Variants in NUP214 observed in about 807,000 individuals in gnomAD.
NUP214 encodes the protein nuclear pore complex protein Nup214.
A neutral mutation model predicts 196.2 loss-of-function variants in NUP214; 79 were observed. The ratio of observed to expected loss-of-function variants is 0.40; its 90% CI spans 0.34 to 0.49. NUP214 has a LOEUF of 0.49. Among genes scored for constraint, NUP214 ranks in the 20% least tolerant of loss-of-function variants. The pLI is 0.58. For missense variants in NUP214, 2,468 were observed against 2,539.0 expected (o/e 0.97, Z 0.60); for synonymous variants, 1,020 against 990.5 (o/e 1.03, Z -0.56).
At chr9:131,160,544 A>C (rs1303940322) in intron 18 of NUP214, among the ~76,000 whole-genome samples, 1 of 152,216 alleles carries the variant, frequency 6.6e-6, no homozygotes, top group African/African-American at 2.4e-5. Flanking sequence ...GCCCATTAGA[A>C]ATTTGAAAAA....
Position 131,128,467 on chromosome 9 carries a change from G to T in NUP214, c.377G>T (p.Arg126Leu), listed in dbSNP as rs1003399634. 1.2e-6 allele frequency: 2 copies of T among 1,611,478 alleles called. No individual in the cohort carries two copies. Among genetic ancestry groups the T allele is most frequent in the African/African-American group, 2.7e-5 (2 of 74,754 alleles). The change falls in exon 3 of 36, where the codon CGC (arginine) becomes CTC (leucine). Residue 126 changes from arginine (R) to leucine (L), a missense_variant. Arg to Leu is a moderately radical substitution (Grantham distance 102). Coordinates refer to ENST00000359428, the MANE Select transcript of NUP214 (RefSeq NM_005085.4). ...TCCATTATTGCTTTTTTTGATGTTCGCACATTCTCAAATGAGGTAAGCTAC... is the reference window on the plus strand; with the variant it reads ...TCCATTATTGCTTTTTTTGATGTTCTCACATTCTCAAATGAGGTAAGCTAC... ...YGSIIAFFDV[R>L]TFSNEAKQQK...
chr9:131,216,983 A>G (rs536756445), intron 31 of NUP214, among the ~76,000 whole-genome samples: 1 of 152,202 alleles, frequency 6.6e-6, no homozygotes, highest in East Asian at 1.9e-4. Flanking sequence ...CCCTACATGA[A>G]GTTTCTCTCA....
rs369217753 is a variant in NUP214 at position 131,215,305 on chromosome 9, G to C, written c.5686G>C (p.Asp1896His). The change falls in exon 31 of 36, where the codon GAT (aspartate) becomes CAT (histidine). Residue 1896 changes from aspartate to histidine, a missense_variant. Physicochemically the swap from Asp to His is moderately conservative, Grantham distance 81. Around this residue, in one of 5 missense-constraint regions of NUP214, gnomAD observed 262 missense variants for 296.5 expected, o/e 0.88. Transcript: ENST00000359428. The part of the protein sequence containing the change: ...FSGLGGKPSQ[D>H]AANKNPFSSA... ...TGGCCTTGGAGGAAAACCCAGTCAG[G>C]ATGCAGCCAACAAAAACCCATTCAG... 4 of 1,610,360 alleles carry C rather than the reference G, an allele frequency of 2.5e-6. No homozygotes were observed. The highest frequency in any genetic ancestry group is 2.5e-6 in the Non-Finnish European group (3 of 1,178,266).
chr9:131,147,999 C>T (rs1490996967), intron 14 of NUP214, among the ~76,000 whole-genome samples: 1 of 152,180 alleles, frequency 6.6e-6, no homozygotes, highest in Non-Finnish European at 1.5e-5. Context: ...CTAGCCTGGT[C>T]GACATGGTGA....
chr9:131,136,068 T>C, intron 9 of NUP214, 62 bp downstream of exon 9: 1 of 1,354,558 alleles, frequency 7.4e-7, no homozygotes, highest in Non-Finnish European at 1.0e-6. Context: ...TTTGAGACAG[T>C]CTCGCTCTGT....
At chr9:131,149,190 C>T (rs1331691377) in intron 14 of NUP214, among the ~76,000 whole-genome samples, 1 of 152,034 alleles carries the variant, frequency 6.6e-6, no homozygotes, top group Non-Finnish European at 1.5e-5. Context: ...ATAGTAAGTG[C>T]CCAGGTCACA....
chr9:131,230,928 A>G (rs1362303605), intron 34 of NUP214, among the ~76,000 whole-genome samples, 159 bp downstream of exon 34: 1 of 152,132 alleles, frequency 6.6e-6, no homozygotes, highest in Non-Finnish European at 1.5e-5. Flanking sequence ...TGGGAGACCA[A>G]GGCAGGAGGA....
intron 31 of NUP214, among the ~76,000 whole-genome samples, chr9:131,218,813 G>T (rs956311016): frequency 2.0e-5 from 3 of 152,092 alleles, no homozygotes; most frequent in African/African-American, 7.2e-5. Context: ...CCCTCCTTGA[G>T]CTGGCCCCAA....
chr9:131,180,373 T>G (rs567794826), intron 24 of NUP214, among the ~76,000 whole-genome samples: 1 of 152,358 alleles, frequency 6.6e-6, no homozygotes, highest in East Asian at 1.9e-4. Context: ...CCAGGAAAGA[T>G]CGAGAGAATA....
At chr9:131,190,723 A>G in intron 26 of NUP214, 1 of 362,374 alleles carries the variant, frequency 2.8e-6, no homozygotes, top group Non-Finnish European at 4.9e-6. Context: ...TGCCCTATAG[A>G]TTCTGTATTC....
chr9:131,222,592 C>T, intron 31 of NUP214, 186 bp from the exon 32 acceptor site: 2 of 544,926 alleles, frequency 3.7e-6, no homozygotes, highest in East Asian at 3.2e-5. Context: ...TTAAAAACTT[C>T]CCAGCAAGGT....
Position 131,174,330 on chromosome 9 carries a change from G to C in NUP214, c.3157+12G>C. ...GATGGGAACTTCAGGTAAGTAAACAGTGGGAAAGGAAACTGTTTTTCCCTA... is the reference window on the plus strand; with the variant it reads ...GATGGGAACTTCAGGTAAGTAAACACTGGGAAAGGAAACTGTTTTTCCCTA... On this transcript the variant is annotated intron_variant, in intron 22 of 35. Transcript: ENST00000359428. 1 of 1,601,744 alleles carries C rather than the reference G, an allele frequency of 6.2e-7. No homozygotes were observed. The highest frequency in any genetic ancestry group is 1.1e-5 in the South Asian group (1 of 88,702).
At position 131,175,503 on chromosome 9, in the gene NUP214, C is replaced by T; in HGVS notation, c.3201C>T (p.Ser1067=). 6.2e-7 allele frequency: 1 copy of T among 1,614,220 alleles called. No individual in the cohort carries two copies. The highest frequency in any genetic ancestry group is 8.5e-7 in the Non-Finnish European group (1 of 1,180,032). ...ASKIIPQGAD[S]TMLATKTVKH... is the part of the protein sequence containing the mutation. The stretch of plus-strand genomic sequence containing the variant: ...AAATTATTCCTCAAGGGGCCGATAG[C>T]ACAATGCTTGCCACGAAAACCGTGA... Residue 1067 remains serine (S), a synonymous_variant, in exon 23 of 36, where the codon AGC becomes AGT. Coordinates refer to ENST00000359428, the MANE Select transcript of NUP214 (RefSeq NM_005085.4).
In NUP214 at chr9:131,198,460, G is replaced by A. The variant is rs1833855358; in HGVS notation, c.4966G>A (p.Ala1656Thr). The change falls in exon 29 of 36, where the codon GCT (alanine) becomes ACT (threonine). Residue 1656 changes from alanine to threonine, a missense_variant. Ala to Thr is a moderately conservative substitution (Grantham distance 58). Coordinates refer to ENST00000359428, the MANE Select transcript of NUP214 (RefSeq NM_005085.4). ...GCCTCCTGCTGCCAGTTCTAGCTCA[G>A]CTTTCAACCAGCTCACCAACAACAC... ...AQPPAASSSSAFNQLTNNTAT... is the reference protein window; with the variant it reads ...AQPPAASSSSTFNQLTNNTAT... The A allele has an allele frequency of 1.2e-6, 2 of 1,614,220 alleles. No individual in the cohort carries two copies. Among genetic ancestry groups the A allele is most frequent in the Non-Finnish European group, 1.7e-6 (2 of 1,180,038 alleles).
chr9:131,136,148 T>C (rs774610125), intron 9 of NUP214, 142 bp downstream of exon 9: 2 of 642,930 alleles, frequency 3.1e-6, no homozygotes, highest in African/African-American at 3.7e-5. Flanking sequence ...TCAAGCAATT[T>C]TGTGCCTCAG....
At chr9:131,227,922 G>C (rs78131535) in intron 32 of NUP214, among the ~76,000 whole-genome samples, 1 of 143,142 alleles carries the variant, frequency 7.0e-6, no homozygotes, top group African/African-American at 2.6e-5. Context: ...GGAATGGAGG[G>C]GAGTGGTTTG....
intron 33 of NUP214, chr9:131,229,876 G>C (rs1834828418): frequency 2.3e-6 from 1 of 437,024 alleles, no homozygotes; most frequent in Non-Finnish European, 4.5e-6. Flanking sequence ...TCTTGCTTTG[G>C]GGTTGATTCT....
chr9:131,174,277 A>T lies in NUP214; in HGVS notation c.3116A>T (p.His1039Leu). The T allele has an allele frequency of 6.2e-7, 1 of 1,613,486 alleles. No individual in the cohort carries two copies. The highest frequency in any genetic ancestry group is 8.5e-7 in the Non-Finnish European group (1 of 1,179,768). The change falls in exon 22 of 36, where the codon CAC (histidine) becomes CTC (leucine). Residue 1039 changes from histidine to leucine, a missense_variant. Transcript: ENST00000359428. ...CATGCAGCACCTTTTGCTAAATCTCACCTGGTTCATGGTTCTTCACCTGGT... is the reference window on the plus strand; with the variant it reads ...CATGCAGCACCTTTTGCTAAATCTCTCCTGGTTCATGGTTCTTCACCTGGT... ...LPHAAPFAKS[H>L]LVHGSSPGVM...
At chr9:131,160,520 TG>T (rs1301444177) in intron 18 of NUP214, among the ~76,000 whole-genome samples, 1 of 152,168 alleles carries the variant, frequency 6.6e-6, no homozygotes. Context: ...TCATGCACCA[TG>T]AGAGCATGAA....
Sources: allele counts gnomAD v4.1 joint callset (sites outside exome capture counted in the v4.1 genomes callset), GRCh38; gene constraint gnomAD v4.1.1; regional missense constraint gnomAD v4.1.1; transcripts MANE v1.5; gene names NCBI Gene and HGNC (gene_info 2026-07-23, HGNC 2026-07-21).